Variants in NSUN6 observed in about 807,000 individuals in gnomAD.
NSUN6 encodes the protein tRNA (cytosine(72)-C(5))-methyltransferase NSUN6.
A neutral mutation model predicts 58.0 loss-of-function variants in NSUN6; 64 were observed. That is an observed-to-expected ratio of 1.10 (90% CI 0.90 to 1.36). NSUN6 has a LOEUF of 1.36. Among genes scored for constraint, NSUN6 ranks in the 40% most tolerant of loss-of-function variants. NSUN6 has a pLI of 0.00. For missense variants in NSUN6, 701 were observed against 550.1 expected (o/e 1.27, Z -2.74); for synonymous variants, 231 against 193.9 (o/e 1.19, Z -1.59).
intron 8 of NSUN6, among the ~76,000 whole-genome samples, chr10:18,576,762 C>T (rs1052220958): frequency 5.3e-5 from 8 of 152,138 alleles, no homozygotes; most frequent in African/African-American, 7.2e-5. Context: ...AGCCCTTGTT[C>T]GTCCCCGAGC....
intron 6 of NSUN6, among the ~76,000 whole-genome samples, chr10:18,605,871 G>A (rs2058030348): frequency 6.6e-6 from 1 of 152,062 alleles, no homozygotes; most frequent in African/African-American, 2.4e-5. Context: ...CAGAAATAAT[G>A]GAAGCACATG....
chr10:18,625,685 C>T (rs1379205389), intron 3 of NSUN6, among the ~76,000 whole-genome samples: 2 of 133,804 alleles, frequency 1.5e-5, no homozygotes, highest in Non-Finnish European at 3.1e-5. Flanking sequence ...TGCACTCCAG[C>T]CTGGGTGACA....
chr10:18,564,102 T>A (rs2055747736), intron 8 of NSUN6, among the ~76,000 whole-genome samples: 1 of 151,494 alleles, frequency 6.6e-6, no homozygotes, highest in Non-Finnish European at 1.5e-5. Context: ...CATTCTCTAT[T>A]CCATTCCATT....
Position 18,648,589 on chromosome 10 carries a change from C to T in NSUN6, c.132G>A (p.Lys44=). The change falls in exon 2 of 11, where the codon AAG becomes AAA. Residue 44 remains lysine (K), a synonymous_variant. Transcript: ENST00000377304. The part of the protein sequence containing the change: ...EAERKFETLL[K]HLSHPPSFTT... ...TAAATGATGGAGGATGTGACAGGTG[C>T]TTTAACAAAGTTTCAAACTTCCTTT... 6.2e-7 allele frequency: 1 copy of T among 1,606,638 alleles called. No individual in the cohort carries two copies. The highest frequency in any genetic ancestry group is 8.5e-7 in the Non-Finnish European group (1 of 1,173,474).
At chr10:18,625,712 T>TTTC (rs2058771713) in intron 3 of NSUN6, among the ~76,000 whole-genome samples, 1 of 108,892 alleles carries the variant, frequency 9.2e-6, no homozygotes, top group Non-Finnish European at 2.0e-5. Flanking sequence ...GACTATGTGT[T>TTTC]TTTTTTTTAA....
At chr10:18,628,205 G>C (rs1243919611) in intron 3 of NSUN6, among the ~76,000 whole-genome samples, 8 of 152,148 alleles carry the variant, frequency 5.3e-5, no homozygotes, top group Non-Finnish European at 7.3e-5. Flanking sequence ...CTGTCTGTTA[G>C]AAGGAAAACT....
rs187971876 is a variant in NSUN6, at chr10:18,573,164, A to G, written c.922+12785T>C. Among the ~76,000 whole-genome samples the G allele has an allele frequency of 6.9e-3, 1,008 of 146,438 alleles. 6 individuals are homozygous for G. The highest frequency in any genetic ancestry group is 9.3e-3 in the Non-Finnish European group (623 of 67,002). ...TCCACTCTCCATTTCATTCCATTCC[A>G]TTCCACTGTCCATTCCACTGCATTC... is the stretch of plus-strand genomic sequence containing the variant. On this transcript the variant is annotated intron_variant, in intron 8 of 10. Transcript: ENST00000377304.
In NSUN6 at chr10:18,624,669, G is replaced by A. The variant is rs1038469771; in HGVS notation, c.312-8376C>T. On this transcript the variant is annotated intron_variant, in intron 3 of 10. Coordinates refer to ENST00000377304, the MANE Select transcript of NSUN6 (RefSeq NM_182543.5). The stretch of plus-strand genomic sequence containing the variant: ...TCTCAAAAAAAAAAAAAAAAAGAAC[G>A]AATGCGGAAGAAAAAGATCAGTGAA... Among the ~76,000 whole-genome samples, 462 of 95,166 alleles carry A rather than the reference G, an allele frequency of 4.9e-3. 4 individuals carry two copies. Among genetic ancestry groups the A allele is most frequent in the African/African-American group, 0.012 (312 of 26,444 alleles). The allele number at this position is 95,166 out of a possible 152,430, so 62.4% of individuals were successfully genotyped here.
intron 5 of NSUN6, among the ~76,000 whole-genome samples, chr10:18,612,926 T>C (rs191714835): frequency 6.6e-6 from 1 of 152,194 alleles, no homozygotes; most frequent in Non-Finnish European, 1.5e-5. Flanking sequence ...AGGACTCAAA[T>C]TCACTAACTG....
intron 8 of NSUN6, among the ~76,000 whole-genome samples, chr10:18,561,616 T>G (rs2055515101): frequency 9.7e-6 from 1 of 102,670 alleles, no homozygotes; most frequent in Non-Finnish European, 2.0e-5. Context: ...AATGCAGTGG[T>G]GAACAGAATG....
chr10:18,588,772 C>A (rs1419283416), intron 7 of NSUN6, among the ~76,000 whole-genome samples: 1 of 152,168 alleles, frequency 6.6e-6, no homozygotes, highest in Non-Finnish European at 1.5e-5. Context: ...GGTCATCAAC[C>A]TCAAAGATCA....
Position 18,545,863 on chromosome 10 carries a change from T to A in NSUN6, c.*70A>T. ...ATCATTCAGTTGGCCTGACAACACT[T>A]TGGTTAAAAAAAAAAAAACCACAGA... On this transcript the variant is annotated 3_prime_UTR_variant, in exon 11 of 11. Transcript: ENST00000377304. 1 of 315,450 alleles carries A rather than the reference T, an allele frequency of 3.2e-6. No homozygotes were observed. Among genetic ancestry groups the A allele is most frequent in the Admixed American group, 6.6e-5 (1 of 15,166 alleles). 19.5% of individuals were successfully genotyped at this position (315,450 alleles called of 1,614,324 possible).
intron 6 of NSUN6, among the ~76,000 whole-genome samples, chr10:18,605,237 T>C (rs971614859): frequency 2.7e-5 from 4 of 150,932 alleles, no homozygotes; most frequent in Non-Finnish European, 5.9e-5. Context: ...TCATACTATG[T>C]GGATTAAAAT....
intron 8 of NSUN6, among the ~76,000 whole-genome samples, chr10:18,556,500 G>C (rs1032739965): frequency 2.0e-4 from 30 of 150,828 alleles, no homozygotes; most frequent in Middle Eastern, 3.5e-3. Context: ...ATGGAATAGA[G>C]AATGGAATGG....
At chr10:18,656,653 A>C (rs1187761141), upstream of NSUN6, among the ~76,000 whole-genome samples, 1 of 152,186 alleles carries the variant, frequency 6.6e-6, no homozygotes, top group Non-Finnish European at 1.5e-5. Flanking sequence ...TTCCTTTTAA[A>C]AACATCTTAT....
intron 5 of NSUN6, 108 bp downstream of exon 5, chr10:18,614,352 C>CAA (rs11405681): frequency 0.12 from 50,760 of 413,342 alleles, 604 homozygotes; most frequent in Non-Finnish European, 0.15. Flanking sequence ...GGATTTATAC[C>CAA]AAAAAAAAAA....
At chr10:18,652,042 C>A (rs969807670), upstream of NSUN6, 11 of 985,384 alleles carry the variant, frequency 1.1e-5, no homozygotes, top group Middle Eastern at 5.2e-4. Context: ...GATCTGACTT[C>A]AGTTGTGAAG....
In NSUN6 at chr10:18,553,158, CCATTCTCCATTCCATTCCATTG is replaced by C. The variant is rs1308476955; in HGVS notation, c.923-1209_923-1188del. On this transcript the variant is annotated intron_variant, in intron 8 of 10. Transcript: ENST00000377304. ...ATTCCATTCTCCCTTCCCTTCCATT[CCATTCTCCATTCCATTCCATTG>C]CATTCTCCATTCCATTCCATTGCAT... is the stretch of plus-strand genomic sequence containing the variant. Among the ~76,000 whole-genome samples, 327 of 151,956 alleles carry C rather than the reference CCATTCTCCATTCCATTCCATTG, an allele frequency of 2.2e-3. 3 individuals are homozygous for C. Among genetic ancestry groups the C allele is most frequent in the African/African-American group, 7.5e-3 (311 of 41,454 alleles).
intron 8 of NSUN6, among the ~76,000 whole-genome samples, chr10:18,578,268 G>C (rs977571448): frequency 8.7e-6 from 1 of 115,124 alleles, no homozygotes; most frequent in Non-Finnish European, 1.7e-5. Flanking sequence ...AGTTTCACTT[G>C]TGTCACCCAA....
Sources: gnomAD v4.1 joint callset for allele counts (sites outside exome capture counted in the v4.1 genomes callset) on GRCh38, gnomAD v4.1.1 for gene constraint, MANE v1.5 for transcripts, NCBI Gene and HGNC (gene_info 2026-07-23, HGNC 2026-07-21) for gene names.